Variants in ABLIM2 observed in about 807,000 individuals in gnomAD.
The protein encoded by ABLIM2 is actin-binding LIM protein 2.
ABLIM2 carries 53 observed loss-of-function variants against 97.7 expected under a neutral mutation model. The observed-to-expected ratio is 0.54, with a 90% confidence interval of 0.44 to 0.68. The LOEUF is 0.68. Ranked by LOEUF, ABLIM2 falls within the 30% of genes least tolerant of loss-of-function variation. The probability of loss-of-function intolerance (pLI) is 0.00; values close to 1 mark genes in which losing one functional copy is unlikely to be tolerated. For synonymous variants in ABLIM2, 361 were observed against 345.8 expected, an observed-to-expected ratio of 1.04 and a Z score of -0.49; for missense variants, 835 against 867.2, an observed-to-expected ratio of 0.96 and a Z score of 0.47.
chr4:7,990,456 G>C (rs184690745), intron 17 of ABLIM2, among the ~76,000 whole-genome samples: 12 of 152,124 alleles, frequency 7.9e-5, no homozygotes, highest in African/African-American at 2.9e-4. Context: ...AAAGTGCTGA[G>C]ATTACAGGTA....
Position 8,003,862 on chromosome 4 carries a change from G to A in ABLIM2, c.1618+4197C>T, listed in dbSNP as rs1001904520. ...TTACAGGCATGAGCCACTGTGCCTG[G>A]CCCTCTTCTTCCAGTTCTGATGTCT... is the stretch of plus-strand genomic sequence containing the variant. On this transcript the variant is annotated intron_variant, in intron 16 of 20. Transcript: ENST00000447017. This position sits in a 1 kb window ranked among gnomAD's most constrained non-coding sequence, Gnocchi z 4.2. Among the ~76,000 whole-genome samples the A allele has an allele frequency of 6.6e-6, 1 of 152,060 alleles. No homozygotes were observed. Among genetic ancestry groups the A allele is most frequent in the Non-Finnish European group, 1.5e-5 (1 of 68,008 alleles).
intron 20 of ABLIM2, among the ~76,000 whole-genome samples, chr4:7,979,697 CCT>C (rs1736477763): frequency 6.6e-6 from 1 of 152,236 alleles, no homozygotes; most frequent in African/African-American, 2.4e-5. Flanking sequence ...TTCCTTCTTT[CCT>C]CTCTCCCGGT....
At chr4:7,976,907 A>ACG (rs1733835060) in intron 20 of ABLIM2, among the ~76,000 whole-genome samples, 2 of 151,328 alleles carry the variant, frequency 1.3e-5, no homozygotes, top group South Asian at 4.2e-4. Flanking sequence ...ACATACATGT[A>ACG]CACACACACA....
intron 1 of ABLIM2, among the ~76,000 whole-genome samples, chr4:8,133,643 C>T (rs1031182737): frequency 3.9e-5 from 6 of 152,326 alleles, no homozygotes; most frequent in Admixed American, 1.3e-4. Context: ...CCGCTCTCCT[C>T]GCCCCTCACC....
rs960940306 is a variant in ABLIM2, at chr4:8,130,376, T to C, written c.11-23739A>G. ...TTCAGGAGAGGGCCATGTGGAGAGG[T>C]TGGCCTTCTGAGTCCTGCCTGGGCC... On this transcript the variant is annotated intron_variant, in intron 1 of 20. Transcript: ENST00000447017. This position sits in a 1 kb window ranked among gnomAD's most constrained non-coding sequence, Gnocchi z 4.2. Among the ~76,000 whole-genome samples, 15 of 151,942 alleles carry C rather than the reference T, an allele frequency of 9.9e-5. No homozygotes were observed. The highest frequency in any genetic ancestry group is 3.4e-3 in the Middle Eastern group (1 of 292).
rs1443628913 is a variant in ABLIM2, at chr4:8,043,313, G to A, written c.900+1851C>T. On this transcript the variant is annotated intron_variant, in intron 9 of 20. Coordinates refer to ENST00000447017, the MANE Select transcript of ABLIM2 (RefSeq NM_001130083.2). This position sits in a 1 kb window ranked among gnomAD's most constrained non-coding sequence, Gnocchi z 4.8. The stretch of plus-strand genomic sequence containing the variant: ...GTCAGCTGTGACCCTTTCAATGGGT[G>A]AGGAAACAGACCATACCTTTGTGCG... Among the ~76,000 whole-genome samples the A allele has an allele frequency of 2.0e-5, 3 of 152,296 alleles. No homozygotes were observed. Among genetic ancestry groups the A allele is most frequent in the East Asian group, 3.9e-4 (2 of 5,180 alleles).
chr4:8,154,119 C>T (rs1319062764), intron 1 of ABLIM2, among the ~76,000 whole-genome samples: 7 of 151,762 alleles, frequency 4.6e-5, no homozygotes, highest in Admixed American at 2.0e-4. Context: ...CCTGCCACCA[C>T]GCCCAGCTAA....
rs186230175 is a variant in ABLIM2, at chr4:8,044,627, G to A, written c.900+537C>T. ...TATATTTGTATGTGATTATGGAAGCGTGTGAGGCGCACAGACACACACACA... is the reference window on the plus strand; with the variant it reads ...TATATTTGTATGTGATTATGGAAGCATGTGAGGCGCACAGACACACACACA... On this transcript the variant is annotated intron_variant, in intron 9 of 20. Coordinates refer to ENST00000447017, the MANE Select transcript of ABLIM2 (RefSeq NM_001130083.2). This position sits in a 1 kb window ranked among gnomAD's most constrained non-coding sequence, Gnocchi z 4.4. Among the ~76,000 whole-genome samples the A allele has an allele frequency of 8.1e-4, 121 of 149,184 alleles. No homozygotes were observed. In the East Asian group the frequency reaches 0.02, roughly 25 times the overall value.
Position 8,032,508 on chromosome 4 carries a change from G to A in ABLIM2, c.1048-2732C>T, listed in dbSNP as rs1026685403. On this transcript the variant is annotated intron_variant, in intron 10 of 20. Transcript: ENST00000447017. The surrounding 1 kb of genome is among the most constrained non-coding windows in gnomAD (Gnocchi z 4.3). ...ACCAGCAGCCAGGAGGGTGCCCCAT[G>A]TCACAAGGGCCGTGGCCCCGGGCCC... 11 of 1,027,406 alleles carry A rather than the reference G, an allele frequency of 1.1e-5. No individual in the cohort carries two copies. In the African/African-American group the frequency reaches 1.1e-4, roughly 10 times the overall value. 63.6% of individuals were successfully genotyped at this position (1,027,406 alleles called of 1,614,324 possible).
intron 6 of ABLIM2, among the ~76,000 whole-genome samples, chr4:8,062,743 C>G (rs1328645084): frequency 3.3e-5 from 5 of 151,982 alleles, no homozygotes; most frequent in Non-Finnish European, 5.9e-5. Context: ...CCGGCCTGGT[C>G]TGAGTAGCAC....
rs146275135 is a variant in ABLIM2 at position 8,155,973 on chromosome 4, C to A, written c.10+2707G>T. 2.5e-3 allele frequency among the ~76,000 whole-genome samples: 385 copies of A among 152,222 alleles called. 3 individuals carry two copies. The highest frequency in any genetic ancestry group is 2.3e-3 in the Admixed American group (35 of 15,286). On this transcript the variant is annotated intron_variant, in intron 1 of 20. Transcript: ENST00000447017. This position sits in a 1 kb window ranked among gnomAD's most constrained non-coding sequence, Gnocchi z 4.2. ...ATCTCAGACTTCTGGCCTCTAGAAT[C>A]AGCAAAAAAATAAGTGTCTTCTCTT...
chr4:7,992,848 G>C lies in ABLIM2; in HGVS notation c.1680+18C>G, dbSNP rs1197078963. 6.2e-7 allele frequency: 1 copy of C among 1,610,728 alleles called. No individual in the cohort carries two copies. The highest frequency in any genetic ancestry group is 8.5e-7 in the Non-Finnish European group (1 of 1,178,494). On this transcript the variant is annotated intron_variant, in intron 17 of 20. Transcript: ENST00000447017. The surrounding 1 kb of genome is among the most constrained non-coding windows in gnomAD (Gnocchi z 5.7). ...GCAATCGTTAGTACCCTGTGGCCAGGGAGGGGTCAGTACCTACCCGCTGGT... is the reference window on the plus strand; with the variant it reads ...GCAATCGTTAGTACCCTGTGGCCAGCGAGGGGTCAGTACCTACCCGCTGGT...
chr4:8,084,813 C>G (rs1483460731), intron 4 of ABLIM2, among the ~76,000 whole-genome samples: 1 of 152,214 alleles, frequency 6.6e-6, no homozygotes, highest in African/African-American at 2.4e-5. Flanking sequence ...CATCAAAGGC[C>G]CAGAGAGGGG....
At position 8,023,884 on chromosome 4, in the gene ABLIM2, G is replaced by T. The variant is rs969503968; in HGVS notation, c.1268-3581C>A. On this transcript the variant is annotated intron_variant, in intron 12 of 20. Coordinates refer to ENST00000447017, the MANE Select transcript of ABLIM2 (RefSeq NM_001130083.2). This position sits in a 1 kb window ranked among gnomAD's most constrained non-coding sequence, Gnocchi z 5.7. ...CTCCCAGTGGCCCAGTGTGTGCCTGGTGCTGGCTCAGCTGGCTCCTGTGGA... is the reference window on the plus strand; with the variant it reads ...CTCCCAGTGGCCCAGTGTGTGCCTGTTGCTGGCTCAGCTGGCTCCTGTGGA... Among the ~76,000 whole-genome samples the T allele has an allele frequency of 6.6e-6, 1 of 152,122 alleles. No homozygotes were observed. The highest frequency in any genetic ancestry group is 1.5e-5 in the Non-Finnish European group (1 of 68,042).
intron 20 of ABLIM2, among the ~76,000 whole-genome samples, chr4:7,982,298 T>C (rs1470900307): frequency 6.6e-6 from 1 of 152,236 alleles, no homozygotes. Context: ...CTCTCCAGCC[T>C]TGGGGCTCAG....
Position 8,148,242 on chromosome 4 carries a change from G to A in ABLIM2, c.10+10438C>T, listed in dbSNP as rs1420017765. ...GGGGGCCCTGGGCCAGGCAGGTTCTGAAGGGCCCAGTGTGTCTGGAGGGGA... is the reference window on the plus strand; with the variant it reads ...GGGGGCCCTGGGCCAGGCAGGTTCTAAAGGGCCCAGTGTGTCTGGAGGGGA... On this transcript the variant is annotated intron_variant, in intron 1 of 20. Transcript: ENST00000447017. The surrounding 1 kb of genome is among the most constrained non-coding windows in gnomAD (Gnocchi z 6.7). 6.6e-6 allele frequency among the ~76,000 whole-genome samples: 1 copy of A among 152,236 alleles called. No homozygotes were observed.
intron 20 of ABLIM2, among the ~76,000 whole-genome samples, chr4:7,980,725 A>G (rs1220885374): frequency 6.6e-6 from 1 of 151,694 alleles, no homozygotes; most frequent in African/African-American, 2.4e-5. Flanking sequence ...AAAGAAAAAA[A>G]AAAAAAGACT....
intron 1 of ABLIM2, among the ~76,000 whole-genome samples, chr4:8,141,955 A>T (rs1851051515): frequency 6.6e-6 from 1 of 152,198 alleles, no homozygotes; most frequent in African/African-American, 2.4e-5. Flanking sequence ...GCAGGAGCCC[A>T]CCAGAAAACC....
In ABLIM2 at chr4:8,112,605, C is replaced by T. The variant is rs1409522492; in HGVS notation, c.11-5968G>A. Among the ~76,000 whole-genome samples the T allele has an allele frequency of 6.6e-6, 1 of 152,104 alleles. No homozygotes were observed. The highest frequency in any genetic ancestry group is 2.4e-5 in the African/African-American group (1 of 41,408). On this transcript the variant is annotated intron_variant, in intron 1 of 20. Coordinates refer to ENST00000447017, the MANE Select transcript of ABLIM2 (RefSeq NM_001130083.2). The surrounding 1 kb of genome is among the most constrained non-coding windows in gnomAD (Gnocchi z 4.2). ...CTACTCGAGGTTTCCCAGTCCAGAGCGGGAGTCCACAAGCATTTTCAGGAA... is the reference window on the plus strand; with the variant it reads ...CTACTCGAGGTTTCCCAGTCCAGAGTGGGAGTCCACAAGCATTTTCAGGAA...
Sources: gnomAD v4.1 joint callset for allele counts (sites outside exome capture counted in the v4.1 genomes callset) on GRCh38, gnomAD v4.1.1 for gene constraint, Gnocchi (gnomAD v3.1) non-coding constraint, MANE v1.5 for transcripts, NCBI Gene and HGNC (gene_info 2026-07-23, HGNC 2026-07-21) for gene names.